SGCZ: variants seen among roughly 807,000 people sequenced by gnomAD.
The protein encoded by SGCZ is zeta-sarcoglycan.
SGCZ carries 40 observed loss-of-function variants against 41.3 expected under a neutral mutation model. That is an observed-to-expected ratio of 0.97 (90% confidence interval 0.75 to 1.26). The LOEUF is 1.26. SGCZ is among the 50% of genes most tolerant of loss of function. The probability of loss-of-function intolerance (pLI) is 0.00; values close to 1 mark genes in which losing one functional copy is unlikely to be tolerated. For missense variants in SGCZ, 552 were observed against 369.8 expected, an observed-to-expected ratio of 1.49 and a Z score of -4.04; for synonymous variants, 206 against 137.5, an observed-to-expected ratio of 1.50 and a Z score of -3.49.
chr8:15,233,170 G>A (rs968095068), intron 1 of SGCZ, among the ~76,000 whole-genome samples: 2 of 151,626 alleles, frequency 1.3e-5, no homozygotes, highest in Non-Finnish European at 2.9e-5. Flanking sequence ...GAATATATAA[G>A]GCAGGCTGCT....
In SGCZ at chr8:14,099,556, C is replaced by G. The variant is rs570128266; in HGVS notation, c.744+2820G>C. On this transcript the variant is annotated intron_variant, in intron 7 of 7. Coordinates refer to ENST00000382080, the MANE Select transcript of SGCZ (RefSeq NM_139167.4). ...CCTGACCAACATGGCGACACCCTGT[C>G]TCTTCTAAAAGTACAAATATTAGCC... is the stretch of plus-strand genomic sequence containing the variant. Among the ~76,000 whole-genome samples the G allele has an allele frequency of 3.9e-5, 6 of 152,204 alleles. 1 individual carries two copies. In the South Asian group the frequency reaches 1.2e-3, roughly 32 times the overall value.
chr8:14,264,853 C>G (rs927903848), intron 3 of SGCZ, among the ~76,000 whole-genome samples: 1 of 152,142 alleles, frequency 6.6e-6, no homozygotes, highest in Non-Finnish European at 1.5e-5. Context: ...GTCCCAGCTA[C>G]TCGGGAGGCT....
intron 5 of SGCZ, among the ~76,000 whole-genome samples, chr8:14,141,195 G>A (rs1215260392): frequency 1.3e-5 from 2 of 152,176 alleles, no homozygotes; most frequent in African/African-American, 2.4e-5. Flanking sequence ...AGATTCAAAT[G>A]TTAGACCTAA....
chr8:15,069,523 C>T (rs2131025599), intron 1 of SGCZ, among the ~76,000 whole-genome samples: 1 of 152,312 alleles, frequency 6.6e-6, no homozygotes, highest in Middle Eastern at 3.4e-3. Context: ...GTTAACACCA[C>T]CCAGCAGTAT....
At chr8:14,653,441 T>G (rs1302016003) in intron 1 of SGCZ, among the ~76,000 whole-genome samples, 1 of 152,144 alleles carries the variant, frequency 6.6e-6, no homozygotes, top group African/African-American at 2.4e-5. Flanking sequence ...AGTTTATTTC[T>G]TACTACAAGA....
At chr8:14,710,369 C>CAAAAAAAAA (rs770994264) in intron 1 of SGCZ, among the ~76,000 whole-genome samples, 1 of 92,432 alleles carries the variant, frequency 1.1e-5, no homozygotes, top group African/African-American at 3.7e-5. Context: ...GACTCCGCAT[C>CAAAAAAAAA]AAAAAAAAAA....
At chr8:14,946,576 C>T (rs191965275) in intron 1 of SGCZ, among the ~76,000 whole-genome samples, 7 of 151,928 alleles carry the variant, frequency 4.6e-5, no homozygotes, top group Non-Finnish European at 8.8e-5. Flanking sequence ...GAGCGCCTGG[C>T]ACAATGTATG....
At chr8:14,565,286 G>C (rs1427286679) in intron 1 of SGCZ, among the ~76,000 whole-genome samples, 1 of 151,126 alleles carries the variant, frequency 6.6e-6, no homozygotes, top group Non-Finnish European at 1.5e-5. Flanking sequence ...TAGTTATCCA[G>C]TATTTCATTG....
chr8:14,137,030 C>T (rs999081924), intron 5 of SGCZ, among the ~76,000 whole-genome samples: 9 of 152,192 alleles, frequency 5.9e-5, no homozygotes, highest in African/African-American at 2.2e-4. Context: ...CCAAGGCAAA[C>T]AGGGACTGGG....
intron 1 of SGCZ, among the ~76,000 whole-genome samples, chr8:14,705,064 C>A (rs989531883): frequency 1.3e-5 from 2 of 152,038 alleles, no homozygotes; most frequent in South Asian, 2.1e-4. Flanking sequence ...CGAAGCTGAT[C>A]TTTTTTCCAG....
intron 5 of SGCZ, among the ~76,000 whole-genome samples, chr8:14,117,971 T>C (rs541107503): frequency 1.3e-5 from 2 of 151,162 alleles, no homozygotes; most frequent in East Asian, 4.0e-4. Context: ...ATTTTCTTTA[T>C]GCAGTCTATC....
intron 1 of SGCZ, among the ~76,000 whole-genome samples, chr8:15,166,575 T>G (rs1799672864): frequency 6.6e-6 from 1 of 152,186 alleles, no homozygotes; most frequent in Non-Finnish European, 1.5e-5. Flanking sequence ...AGGTTTTATC[T>G]TGGTGAATAA....
intron 1 of SGCZ, among the ~76,000 whole-genome samples, chr8:15,144,268 G>T (rs1056285934): frequency 2.0e-5 from 3 of 152,086 alleles, no homozygotes; most frequent in Non-Finnish European, 4.4e-5. Context: ...CATTTTTAAT[G>T]TACTTGATCC....
intron 1 of SGCZ, among the ~76,000 whole-genome samples, chr8:14,829,603 T>A (rs186691919): frequency 6.6e-6 from 1 of 152,184 alleles, no homozygotes; most frequent in Non-Finnish European, 1.5e-5. Context: ...TGCCTTAAAC[T>A]GAGATAATTT....
chr8:14,194,685 A>T lies in SGCZ; in HGVS notation c.425-29983T>A, dbSNP rs1805210009. On this transcript the variant is annotated intron_variant, in intron 4 of 7. Coordinates refer to ENST00000382080, the MANE Select transcript of SGCZ (RefSeq NM_139167.4). ...AACAGGAACAAAATACAAAATATAT[A>T]ATTCTGGTTTTCAAGACATTGAACA... Among the ~76,000 whole-genome samples, 3 of 152,050 alleles carry T rather than the reference A, an allele frequency of 2.0e-5. No homozygotes were observed. In the South Asian group the frequency reaches 6.2e-4, roughly 31 times the overall value.
intron 1 of SGCZ, among the ~76,000 whole-genome samples, chr8:14,916,687 T>G (rs1799447928): frequency 6.6e-6 from 1 of 152,208 alleles, no homozygotes. Flanking sequence ...AGATCTTGTT[T>G]TCACTTTGTC....
intron 2 of SGCZ, among the ~76,000 whole-genome samples, chr8:14,356,187 G>C (rs1382028286): frequency 6.6e-6 from 1 of 152,122 alleles, no homozygotes; most frequent in Admixed American, 6.6e-5. Context: ...GTTTAAAGCA[G>C]GCTAAGCTAA....
chr8:15,127,345 T>C (rs992416135), intron 1 of SGCZ, among the ~76,000 whole-genome samples: 20 of 152,050 alleles, frequency 1.3e-4, no homozygotes, highest in Non-Finnish European at 1.9e-4. Flanking sequence ...CTAAGTGATA[T>C]GAGACAGCAT....
At chr8:14,884,860 T>C (rs906995490) in intron 1 of SGCZ, among the ~76,000 whole-genome samples, 1 of 152,126 alleles carries the variant, frequency 6.6e-6, no homozygotes. Context: ...CCAGTCCTTC[T>C]GGTTTTTATG....
Sources: allele counts gnomAD v4.1 joint callset (sites outside exome capture counted in the v4.1 genomes callset), GRCh38; gene constraint gnomAD v4.1.1; transcripts MANE v1.5; gene names NCBI Gene and HGNC (gene_info 2026-07-23, HGNC 2026-07-21).